IPCEF1: variants seen among roughly 807,000 people sequenced by gnomAD.
IPCEF1 encodes interactor protein for cytohesin exchange factors 1.
A neutral mutation model predicts 50.9 loss-of-function variants in IPCEF1; 31 were observed. The observed-to-expected ratio is 0.61, with a 90% CI of 0.46 to 0.82. The LOEUF is 0.82. Among genes scored for constraint, IPCEF1 ranks in the 40% least tolerant of loss-of-function variants. IPCEF1 has a pLI of 0.00. For missense variants in IPCEF1, 458 were observed against 514.0 expected, an observed-to-expected ratio of 0.89 and a Z score of 1.05; for synonymous variants, 181 against 192.0, an observed-to-expected ratio of 0.94 and a Z score of 0.47.
intron 5 of IPCEF1, among the ~76,000 whole-genome samples, chr6:154,246,055 A>G (rs1284273562): frequency 1.3e-5 from 2 of 152,216 alleles, no homozygotes; most frequent in African/African-American, 2.4e-5. Flanking sequence ...ACAGTCGCCA[A>G]TGCAAAGCTG....
intron 2 of IPCEF1, among the ~76,000 whole-genome samples, chr6:154,273,652 C>A (rs950495375): frequency 4.1e-5 from 6 of 145,806 alleles, no homozygotes; most frequent in Admixed American, 1.4e-4. Context: ...TGTTCAGGAA[C>A]TTTATGAAGG....
At position 154,354,996 on chromosome 6, in the gene IPCEF1, TCACACACA is replaced by T. The variant is rs56281024; in HGVS notation, c.-62+1668_-62+1675del. 8.3e-3 allele frequency among the ~76,000 whole-genome samples: 1,228 copies of T among 147,482 alleles called. 13 individuals carry two copies. Among genetic ancestry groups the T allele is most frequent in the South Asian group, 0.015 (69 of 4,528 alleles). ...AAAGCTTATTTTTTAGGATTTTTCTTCACACACACACACACACACACACACACACACAC... is the reference window on the plus strand; with the variant it reads ...AAAGCTTATTTTTTAGGATTTTTCTTCACACACACACACACACACACACAC... On this transcript the variant is annotated intron_variant, in intron 1 of 11. Transcript: ENST00000367220.
Position 154,159,776 on chromosome 6 carries a change from C to A in IPCEF1, c.*52G>T, listed in dbSNP as rs1248514782. On this transcript the variant is annotated 3_prime_UTR_variant, in exon 12 of 12. Coordinates refer to ENST00000367220, the MANE Select transcript of IPCEF1 (RefSeq NM_001130700.2). ...GGAAAAATGTAAGCTTTTGCAACAT[C>A]TTGAAGAGTTGCTTGTGATAAAATA... 7.1e-7 allele frequency: 1 copy of A among 1,410,136 alleles called. No homozygotes were observed. The highest frequency in any genetic ancestry group is 1.4e-5 in the African/African-American group (1 of 69,664). 87.4% of individuals were successfully genotyped at this position (1,410,136 alleles called of 1,614,324 possible).
At chr6:154,282,319 G>A (rs1583942448) in intron 2 of IPCEF1, among the ~76,000 whole-genome samples, 2 of 152,172 alleles carry the variant, frequency 1.3e-5, no homozygotes, top group South Asian at 2.1e-4. Flanking sequence ...CTACTGGAAC[G>A]ATCCAGGGAA....
chr6:154,250,963 C>G (rs976358972), intron 3 of IPCEF1, among the ~76,000 whole-genome samples: 3 of 152,126 alleles, frequency 2.0e-5, no homozygotes, highest in Admixed American at 2.0e-4. Context: ...TAGAGCCATA[C>G]CAGATCGGCA....
Position 154,274,695 on chromosome 6 carries a change from A to G in IPCEF1, c.-17-8731T>C, listed in dbSNP as rs1022252170. Among the ~76,000 whole-genome samples the G allele has an allele frequency of 3.9e-5, 6 of 152,238 alleles. No homozygotes were observed. The East Asian group carries it at 1.2e-3, about 29-fold the overall frequency. On this transcript the variant is annotated intron_variant, in intron 2 of 11. Coordinates refer to ENST00000367220, the MANE Select transcript of IPCEF1 (RefSeq NM_001130700.2). ...ACCTGAAACTTCTAAAATGTGGTCT[A>G]TACCTGCAGGGGCCATTAGACTGGG...
chr6:154,279,615 A>T (rs1446499595), intron 2 of IPCEF1, among the ~76,000 whole-genome samples: 1 of 152,244 alleles, frequency 6.6e-6, no homozygotes, highest in Non-Finnish European at 1.5e-5. Context: ...TCTATTGAAA[A>T]TACTGTCATT....
At chr6:154,195,498 T>G (rs113281413) in intron 10 of IPCEF1, among the ~76,000 whole-genome samples, 1 of 152,092 alleles carries the variant, frequency 6.6e-6, no homozygotes, top group Non-Finnish European at 1.5e-5. Context: ...TGATGAGAAA[T>G]GGTCATCCAT....
chr6:154,318,917 A>G (rs1783301061), intron 1 of IPCEF1, among the ~76,000 whole-genome samples: 1 of 152,186 alleles, frequency 6.6e-6, no homozygotes, highest in African/African-American at 2.4e-5. Flanking sequence ...CATGATGTCA[A>G]CAAGGGGAAC....
At chr6:154,180,347 C>CAT (rs143058126) in intron 10 of IPCEF1, among the ~76,000 whole-genome samples, 49,363 of 142,042 alleles carry the variant, frequency 0.35, 8,531 homozygotes, top group Middle Eastern at 0.46. Flanking sequence ...AGAAAGGAGA[C>CAT]ATATATATAT....
intron 7 of IPCEF1, among the ~76,000 whole-genome samples, chr6:154,216,215 T>C (rs1778380112): frequency 6.6e-6 from 1 of 152,060 alleles, no homozygotes; most frequent in Admixed American, 6.6e-5. Flanking sequence ...GAAAAAACAT[T>C]AATAAGAAAA....
At chr6:154,229,135 T>TTATCTGG (rs1779501981) in intron 5 of IPCEF1, among the ~76,000 whole-genome samples, 1 of 152,226 alleles carries the variant, frequency 6.6e-6, no homozygotes, top group Non-Finnish European at 1.5e-5. Context: ...CTGTATTTAA[T>TTATCTGG]TATCTGGTTG....
At position 154,295,861 on chromosome 6, in the gene IPCEF1, GCA is replaced by G. The variant is rs1385222171; in HGVS notation, c.-61-6107_-61-6106del. Reference sequence around the variant, plus strand: ...AGGTGACTGCCTGTCACACACATGTGCACACGCACACACACACACACACACAC... The same window carrying G: ...AGGTGACTGCCTGTCACACACATGTGCACGCACACACACACACACACACAC... On this transcript the variant is annotated intron_variant, in intron 1 of 11. Coordinates refer to ENST00000367220, the MANE Select transcript of IPCEF1 (RefSeq NM_001130700.2). Among the ~76,000 whole-genome samples, 30 of 102,180 alleles carry G rather than the reference GCA, an allele frequency of 2.9e-4. 1 individual carries two copies. The highest frequency in any genetic ancestry group is 1.7e-3 in the African/African-American group (28 of 16,240). The allele number at this position is 102,180 out of a possible 152,430, so 67.0% of individuals were successfully genotyped here.
intron 9 of IPCEF1, among the ~76,000 whole-genome samples, chr6:154,200,661 C>A (rs1776993056): frequency 6.6e-6 from 1 of 152,126 alleles, no homozygotes; most frequent in Non-Finnish European, 1.5e-5. Context: ...GCAGAGATTG[C>A]AGCGAGCTAA....
intron 1 of IPCEF1, among the ~76,000 whole-genome samples, chr6:154,331,834 AC>A (rs144745956): frequency 0.022 from 3,363 of 152,182 alleles, 57 homozygotes; most frequent in Middle Eastern, 0.075. Context: ...AGGACAGCCC[AC>A]CCCAAGGAAA....
chr6:154,209,846 G>A (rs6913456), intron 9 of IPCEF1, among the ~76,000 whole-genome samples: 90,025 of 152,000 alleles, frequency 0.59, 27,046 homozygotes, highest in Middle Eastern at 0.67. Flanking sequence ...ACTGTTCAAC[G>A]TTTATCTGAC....
chr6:154,182,018 C>T (rs1043022264), intron 10 of IPCEF1, among the ~76,000 whole-genome samples: 3 of 152,084 alleles, frequency 2.0e-5, no homozygotes, highest in Admixed American at 6.6e-5. Context: ...CAAACCTGCA[C>T]ATCTGCGCAT....
intron 10 of IPCEF1, among the ~76,000 whole-genome samples, chr6:154,181,495 C>T (rs1019619570): frequency 1.3e-5 from 2 of 152,194 alleles, no homozygotes; most frequent in Admixed American, 6.5e-5. Flanking sequence ...CATAGCTATA[C>T]TATGCTATGA....
At chr6:154,200,791 C>T (rs1042690493) in intron 9 of IPCEF1, among the ~76,000 whole-genome samples, 4 of 152,094 alleles carry the variant, frequency 2.6e-5, no homozygotes, top group Admixed American at 6.5e-5. Flanking sequence ...CCTTGAATAT[C>T]GCTCACATAC....
Sources: allele counts gnomAD v4.1 joint callset (sites outside exome capture counted in the v4.1 genomes callset), GRCh38; gene constraint gnomAD v4.1.1; transcripts MANE v1.5; gene names NCBI Gene and HGNC (gene_info 2026-07-23, HGNC 2026-07-21).